The following CDS2 variants were observed in gnomAD, a reference collection of about 807,000 sequenced individuals.
The protein encoded by CDS2 is phosphatidate cytidylyltransferase 2.
Under a neutral mutation model 59.0 loss-of-function variants are expected in CDS2, and 47 were observed. The observed-to-expected ratio is 0.80, with a 90% confidence interval of 0.63 to 1.02. CDS2 has a LOEUF of 1.02. CDS2 is among the 50% of genes least tolerant of loss of function. CDS2 has a pLI of 0.00. For missense variants in CDS2, 356 were observed against 558.9 expected, an observed-to-expected ratio of 0.64 and a Z score of 3.66; for synonymous variants, 207 against 206.4, an observed-to-expected ratio of 1.00 and a Z score of -0.02.
chr20:5,190,338 TGTC>T lies in CDS2; in HGVS notation c.*105_*107del. 1 of 1,040,310 alleles carries T rather than the reference TGTC, an allele frequency of 9.6e-7. No homozygotes were observed. Among genetic ancestry groups the T allele is most frequent in the African/African-American group, 1.7e-5 (1 of 59,692 alleles). The allele number at this position is 1,040,310 out of a possible 1,614,324, so 64.4% of individuals were successfully genotyped here. ...AGACAATGACGAGGCTTCAACTCAC[TGTC>T]TTTTTTTTTTTTTTTTGGAGGGTAT... is the stretch of plus-strand genomic sequence containing the variant. On this transcript the variant is annotated 3_prime_UTR_variant, in exon 13 of 13. Coordinates refer to ENST00000460006, the MANE Select transcript of CDS2 (RefSeq NM_003818.4).
rs1310352493 is a variant in CDS2, at chr20:5,190,969, A to T, written c.*735A>T. On this transcript the variant is annotated 3_prime_UTR_variant, in exon 13 of 13. Coordinates refer to ENST00000460006, the MANE Select transcript of CDS2 (RefSeq NM_003818.4). ...GTACTGTAACTGAGCCCTTTCCCAC[A>T]TGTCTAGGCTCCAATGTCTCCTGTA... 1 of 152,602 alleles carries T rather than the reference A, an allele frequency of 6.6e-6. No individual in the cohort carries two copies. Among genetic ancestry groups the T allele is most frequent in the Admixed American group, 6.5e-5 (1 of 15,274 alleles). 9.5% of individuals were successfully genotyped at this position (152,602 alleles called of 1,614,324 possible).
At chr20:5,158,330 C>T (rs2123009073) in intron 1 of CDS2, among the ~76,000 whole-genome samples, 1 of 152,138 alleles carries the variant, frequency 6.6e-6, no homozygotes, top group South Asian at 2.1e-4. Flanking sequence ...CCACCACGCC[C>T]AGCTAATTTT....
chr20:5,171,751 G>A (rs1479688509), intron 1 of CDS2, among the ~76,000 whole-genome samples: 1 of 152,118 alleles, frequency 6.6e-6, no homozygotes, highest in Non-Finnish European at 1.5e-5. Context: ...GGGAAGGAGG[G>A]TCCTTACCTT....
chr20:5,170,066 C>G (rs1349606245), intron 1 of CDS2, among the ~76,000 whole-genome samples: 1 of 152,116 alleles, frequency 6.6e-6, no homozygotes, highest in African/African-American at 2.4e-5. Flanking sequence ...AGCCTTTCAT[C>G]GGGGTCGCAT....
At chr20:5,167,827 A>G (rs919661332) in intron 1 of CDS2, among the ~76,000 whole-genome samples, 2 of 152,226 alleles carry the variant, frequency 1.3e-5, no homozygotes, top group South Asian at 4.1e-4. Flanking sequence ...GATAATTTGC[A>G]TATAAAGCAG....
At chr20:5,177,379 G>A (rs1271056378) in intron 4 of CDS2, among the ~76,000 whole-genome samples, 1 of 152,114 alleles carries the variant, frequency 6.6e-6, no homozygotes, top group Non-Finnish European at 1.5e-5. Flanking sequence ...GGTGTTTTGA[G>A]TGCCAGAGTG....
chr20:5,140,080 G>A (rs2090681706), intron 1 of CDS2, among the ~76,000 whole-genome samples: 1 of 152,198 alleles, frequency 6.6e-6, no homozygotes, highest in African/African-American at 2.4e-5. Flanking sequence ...GGGATTACAG[G>A]CGTGAACCGC....
At chr20:5,127,830 C>T (rs979712895) in intron 1 of CDS2, among the ~76,000 whole-genome samples, 1 of 152,042 alleles carries the variant, frequency 6.6e-6, no homozygotes, top group Non-Finnish European at 1.5e-5. Context: ...GAGTGGACTC[C>T]TTTGGGTGAA....
At chr20:5,137,191 C>T (rs545238055) in intron 1 of CDS2, among the ~76,000 whole-genome samples, 1 of 151,174 alleles carries the variant, frequency 6.6e-6, no homozygotes, top group South Asian at 2.1e-4. Context: ...GATCTTGATT[C>T]TTGCTCTTTC....
At chr20:5,137,431 T>G (rs1267398758) in intron 1 of CDS2, among the ~76,000 whole-genome samples, 1 of 151,596 alleles carries the variant, frequency 6.6e-6, no homozygotes, top group African/African-American at 2.4e-5. Flanking sequence ...TTTAGTAGAG[T>G]TGGGTTTCAC....
chr20:5,173,888 G>T (rs535268253), intron 2 of CDS2, among the ~76,000 whole-genome samples: 1 of 152,192 alleles, frequency 6.6e-6, no homozygotes, highest in Non-Finnish European at 1.5e-5. Flanking sequence ...ATCTGGCCCC[G>T]GAAGGGTGCT....
intron 1 of CDS2, among the ~76,000 whole-genome samples, chr20:5,134,649 T>C (rs1438039256): frequency 6.6e-6 from 1 of 152,054 alleles, no homozygotes; most frequent in Non-Finnish European, 1.5e-5. Context: ...GCCTCCCGAG[T>C]AGCTGGGATT....
At chr20:5,171,889 A>G (rs2090958713) in intron 1 of CDS2, among the ~76,000 whole-genome samples, 1 of 152,226 alleles carries the variant, frequency 6.6e-6, no homozygotes. Flanking sequence ...TTGGATCCTA[A>G]TGATGAGGCC....
chr20:5,149,600 C>T (rs1389802647), intron 1 of CDS2, among the ~76,000 whole-genome samples: 1 of 152,124 alleles, frequency 6.6e-6, no homozygotes, highest in African/African-American at 2.4e-5. Flanking sequence ...TGGGGTCTCA[C>T]TATGTTGCTC....
chr20:5,163,790 TC>T (rs60274818), intron 1 of CDS2, among the ~76,000 whole-genome samples: 17,142 of 82,940 alleles, frequency 0.21, 1,058 homozygotes, highest in South Asian at 0.31. Flanking sequence ...TTTCTTTCTT[TC>T]TTTTTTTTTT....
chr20:5,159,345 G>A (rs1307665098), intron 1 of CDS2, among the ~76,000 whole-genome samples: 1 of 112,918 alleles, frequency 8.9e-6, no homozygotes, highest in Non-Finnish European at 1.7e-5. Flanking sequence ...CCCACAACAG[G>A]CCCCAGTGTG....
intron 9 of CDS2, 40 bp downstream of exon 9, chr20:5,185,866 CAG>C (rs1555784076): frequency 7.6e-6 from 12 of 1,571,228 alleles, no homozygotes; most frequent in East Asian, 4.5e-5. Flanking sequence ...ATTGGGTGGA[CAG>C]AGGCCTCATA....
intron 6 of CDS2, 83 bp downstream of exon 6, chr20:5,182,528 T>A: frequency 3.9e-6 from 5 of 1,270,034 alleles, no homozygotes; most frequent in Non-Finnish European, 5.6e-6. Context: ...TCATGCTTTC[T>A]GTGACAAATC....
intron 1 of CDS2, among the ~76,000 whole-genome samples, chr20:5,156,962 G>GA (rs1300547550): frequency 6.6e-6 from 1 of 152,170 alleles, no homozygotes; most frequent in Non-Finnish European, 1.5e-5. Context: ...GTGCTCTGAT[G>GA]AATCAGGTCT....
Sources: gnomAD v4.1 joint callset for allele counts (sites outside exome capture counted in the v4.1 genomes callset) on GRCh38, gnomAD v4.1.1 for gene constraint, MANE v1.5 for transcripts, NCBI Gene and HGNC (gene_info 2026-07-23, HGNC 2026-07-21) for gene names.